The following MATN2 variants were observed in gnomAD, a reference collection of about 807,000 sequenced individuals.
MATN2 encodes the protein matrilin-2.
In MATN2, 69 loss-of-function variants were observed where a neutral mutation model predicts 103.2. The ratio of observed to expected loss-of-function variants is 0.67; its 90% CI spans 0.55 to 0.82. MATN2 has a LOEUF of 0.82. Among genes scored for constraint, MATN2 ranks in the 40% least tolerant of loss-of-function variants. MATN2 has a pLI of 0.00. For missense variants in MATN2, 1,023 were observed against 1,211.5 expected, an observed-to-expected ratio of 0.84 and a Z score of 2.31; for synonymous variants, 429 against 450.2, an observed-to-expected ratio of 0.95 and a Z score of 0.60.
intron 4 of MATN2, among the ~76,000 whole-genome samples, chr8:97,957,123 C>A (rs1315685991): frequency 1.3e-5 from 2 of 152,166 alleles, no homozygotes; most frequent in Non-Finnish European, 2.9e-5. Context: ...GGGGAAGAAG[C>A]CTTAACTCCA....
intron 5 of MATN2, among the ~76,000 whole-genome samples, chr8:97,963,771 A>G (rs1311273504): frequency 6.6e-6 from 1 of 152,140 alleles, no homozygotes; most frequent in Non-Finnish European, 1.5e-5. Flanking sequence ...TCCTAGCATC[A>G]CCAGCCTTAC....
At chr8:97,900,206 A>G (rs547777133) in intron 2 of MATN2, among the ~76,000 whole-genome samples, 7 of 152,228 alleles carry the variant, frequency 4.6e-5, no homozygotes, top group Non-Finnish European at 1.0e-4. Flanking sequence ...TGCTCAGAAG[A>G]CCATGGGGCT....
At position 97,931,133 on chromosome 8, in the gene MATN2, A is replaced by G; in HGVS notation, c.323A>G (p.Glu108Gly). The G allele has an allele frequency of 6.2e-7, 1 of 1,614,020 alleles. No individual in the cohort carries two copies. The highest frequency in any genetic ancestry group is 8.5e-7 in the Non-Finnish European group (1 of 1,179,888). Residue 108 changes from glutamate (E) to glycine (G), a missense_variant, in exon 3 of 19, where the codon GAG (glutamate) becomes GGG (glycine). Transcript: ENST00000254898. The surrounding 1 kb of genome is among the most constrained non-coding windows in gnomAD (Gnocchi z 4.1). ...LLQYGSTVKN[E>G]FSLKTFKRKS... ...CAATATGGCAGCACTGTCAAGAATGAGTTCTCCCTCAAGACCTTCAAGAGG... is the reference window on the plus strand; with the variant it reads ...CAATATGGCAGCACTGTCAAGAATGGGTTCTCCCTCAAGACCTTCAAGAGG...
intron 1 of MATN2, among the ~76,000 whole-genome samples, chr8:97,885,200 G>A (rs1445166901): frequency 6.6e-6 from 1 of 152,212 alleles, no homozygotes; most frequent in Non-Finnish European, 1.5e-5. Context: ...GGCCTTGAGA[G>A]CATGTTGTAT....
At chr8:97,884,497 A>T (rs1048720294) in intron 1 of MATN2, among the ~76,000 whole-genome samples, 1 of 152,178 alleles carries the variant, frequency 6.6e-6, no homozygotes. Context: ...AATAACAGCA[A>T]CAACAGGCCG....
chr8:97,968,886 G>A (rs1563697797), intron 5 of MATN2, among the ~76,000 whole-genome samples: 1 of 152,176 alleles, frequency 6.6e-6, no homozygotes, highest in Non-Finnish European at 1.5e-5. Flanking sequence ...CCCACTCTCA[G>A]TACCGGTTTT....
intron 4 of MATN2, among the ~76,000 whole-genome samples, chr8:97,957,652 G>A (rs1374369593): frequency 3.9e-5 from 6 of 152,168 alleles, no homozygotes; most frequent in African/African-American, 1.2e-4. Context: ...AGGGGAGCAA[G>A]GACAACAATC....
In MATN2 at chr8:97,945,717, A is replaced by AAATATATATATATATAT. The variant is rs59472539; in HGVS notation, c.835+3819_835+3820insATATATATATATATATA. Among the ~76,000 whole-genome samples the AAATATATATATATATAT allele has an allele frequency of 2.8e-3, 342 of 121,726 alleles. 3 individuals are homozygous for AAATATATATATATATAT. The highest frequency in any genetic ancestry group is 0.01 in the African/African-American group (336 of 32,080). 79.9% of individuals were successfully genotyped at this position (121,726 alleles called of 152,430 possible). On this transcript the variant is annotated intron_variant, in intron 4 of 18. Coordinates refer to ENST00000254898, the MANE Select transcript of MATN2 (RefSeq NM_002380.5). ...CATACACACTATAGAAAAAAAAAAAAATATATATATATATATATAATCTCC... is the reference window on the plus strand; with the variant it reads ...CATACACACTATAGAAAAAAAAAAAAAATATATATATATATATATATATATATATATATATAATCTCC...
chr8:97,975,688 C>T (rs1050571668), intron 5 of MATN2, among the ~76,000 whole-genome samples: 11 of 152,164 alleles, frequency 7.2e-5, no homozygotes, highest in African/African-American at 2.4e-4. Flanking sequence ...TGATGGCAGG[C>T]ACCCATATCC....
intron 2 of MATN2, among the ~76,000 whole-genome samples, chr8:97,916,144 A>C (rs1809621705): frequency 6.6e-6 from 1 of 151,930 alleles, no homozygotes; most frequent in Non-Finnish European, 1.5e-5. Flanking sequence ...ATCTCGGCTC[A>C]CTGCAACCTC....
At chr8:97,888,449 A>C (rs1009716347) in intron 2 of MATN2, among the ~76,000 whole-genome samples, 1 of 152,176 alleles carries the variant, frequency 6.6e-6, no homozygotes, top group Non-Finnish European at 1.5e-5. Context: ...TTTTCTTTGA[A>C]GCCTTTAATT....
chr8:97,913,587 T>C (rs1452159337), intron 2 of MATN2, among the ~76,000 whole-genome samples: 1 of 150,698 alleles, frequency 6.6e-6, no homozygotes, highest in African/African-American at 2.5e-5. Context: ...AGTGCTAGGA[T>C]TACAGGTATA....
rs1414573892 is a variant in MATN2 at position 97,982,462 on chromosome 8, A to G, written c.1081+3454A>G. 6.6e-6 allele frequency among the ~76,000 whole-genome samples: 1 copy of G among 152,200 alleles called. No individual in the cohort carries two copies. Among genetic ancestry groups the G allele is most frequent in the East Asian group, 1.9e-4 (1 of 5,196 alleles). On this transcript the variant is annotated intron_variant, in intron 6 of 18. Coordinates refer to ENST00000254898, the MANE Select transcript of MATN2 (RefSeq NM_002380.5). This position sits in a 1 kb window ranked among gnomAD's most constrained non-coding sequence, Gnocchi z 4.3. ...AAATTCTACTTCTTATACACTTGCA[A>G]AAAATGAAAGAAACTCAGTTTCTCA...
Position 97,941,161 on chromosome 8 carries a change from CA to C in MATN2, c.713-592del, listed in dbSNP as rs1186024165. Among the ~76,000 whole-genome samples the C allele has an allele frequency of 1.9e-4, 15 of 77,986 alleles. No individual in the cohort carries two copies. In the East Asian group the frequency reaches 2.3e-3, roughly 12 times the overall value. 51.2% of individuals were successfully genotyped at this position (77,986 alleles called of 152,430 possible). ...TGGAAGACAGAGCAAGACCTTGTCT[CA>C]AAAAAAAAAAAAAAAAAAAAAAAGA... is the stretch of plus-strand genomic sequence containing the variant. On this transcript the variant is annotated intron_variant, in intron 3 of 18. Coordinates refer to ENST00000254898, the MANE Select transcript of MATN2 (RefSeq NM_002380.5).
chr8:97,990,713 A>G (rs1182431291), intron 6 of MATN2, among the ~76,000 whole-genome samples: 2 of 152,270 alleles, frequency 1.3e-5, no homozygotes, highest in African/African-American at 2.4e-5. Context: ...GAAAGAAACC[A>G]GACAAAAAAG....
chr8:98,013,142 C>T (rs1029712024), intron 10 of MATN2, among the ~76,000 whole-genome samples: 3 of 152,184 alleles, frequency 2.0e-5, no homozygotes, highest in Non-Finnish European at 4.4e-5. Context: ...GAAACTGACT[C>T]CAAGTTGGTT....
intron 1 of MATN2, among the ~76,000 whole-genome samples, chr8:97,872,684 A>G (rs1817935290): frequency 6.6e-6 from 1 of 151,680 alleles, no homozygotes; most frequent in Non-Finnish European, 1.5e-5. Context: ...GCATCTTCCA[A>G]CCCTTCTCCC....
chr8:98,027,422 C>G lies in MATN2; in HGVS notation c.1949C>G (p.Thr650Ser). The G allele has an allele frequency of 6.2e-7, 1 of 1,602,174 alleles. No homozygotes were observed. Among genetic ancestry groups the G allele is most frequent in the Non-Finnish European group, 8.5e-7 (1 of 1,170,770 alleles). Residue 650 changes from threonine to serine, a missense_variant, in exon 14 of 19, where the codon ACT (threonine) becomes AGT (serine). Thr to Ser is a moderately conservative substitution (Grantham distance 58). Coordinates refer to ENST00000254898, the MANE Select transcript of MATN2 (RefSeq NM_002380.5). ...AEDGRRCKKC[T>S]EGPIDLVFVI... ...TTTCCTTCTGTTCATATAGAATGCA[C>G]TGAAGGCCCAATTGACCTGGTCTTT...
chr8:97,941,062 T>C (rs191516384), intron 3 of MATN2, among the ~76,000 whole-genome samples: 3,102 of 146,902 alleles, frequency 0.021, 99 homozygotes, highest in African/African-American at 0.074. Flanking sequence ...CTCAGGAAGC[T>C]GAGGTGGGAG....
Sources: gnomAD v4.1 joint callset for allele counts (sites outside exome capture counted in the v4.1 genomes callset) on GRCh38, gnomAD v4.1.1 for gene constraint, Gnocchi (gnomAD v3.1) non-coding constraint, MANE v1.5 for transcripts, NCBI Gene and HGNC (gene_info 2026-07-23, HGNC 2026-07-21) for gene names.